The following NKAIN2 variants were observed in gnomAD, a reference collection of about 807,000 sequenced individuals.
NKAIN2 encodes sodium/potassium transporting ATPase interacting 2.
NKAIN2 carries 14 observed loss-of-function variants against 32.6 expected under a neutral mutation model. The ratio of observed to expected loss-of-function variants is 0.43; its 90% CI spans 0.28 to 0.67. The LOEUF is 0.67. Ranked by LOEUF, NKAIN2 falls within the 30% of genes least tolerant of loss-of-function variation. The probability of loss-of-function intolerance (pLI) is 0.17; values close to 1 mark genes in which losing one functional copy is unlikely to be tolerated. For synonymous variants in NKAIN2, 80 were observed against 87.2 expected, an observed-to-expected ratio of 0.92 and a Z score of 0.46; for missense variants, 198 against 258.3, an observed-to-expected ratio of 0.77 and a Z score of 1.60.
rs541180075 is a variant in NKAIN2 at position 123,862,753 on chromosome 6, C to T, written c.54+58499C>T. ...CTGTCTCCATGTTGGCACCCACAAACGCACACAGCATTGTTTTACACTGGA... is the reference window on the plus strand; with the variant it reads ...CTGTCTCCATGTTGGCACCCACAAATGCACACAGCATTGTTTTACACTGGA... On this transcript the variant is annotated intron_variant, in intron 1 of 6. Transcript: ENST00000368417. 1.3e-4 allele frequency among the ~76,000 whole-genome samples: 20 copies of T among 152,296 alleles called. 1 individual carries two copies. The highest frequency in any genetic ancestry group is 4.1e-4 in the South Asian group (2 of 4,822).
chr6:124,357,945 G>A (rs958031341), intron 3 of NKAIN2, among the ~76,000 whole-genome samples: 4 of 151,988 alleles, frequency 2.6e-5, no homozygotes, highest in African/African-American at 9.7e-5. Context: ...GCCACAACAG[G>A]CCCCTGTGTG....
At chr6:124,581,643 A>G (rs1166997259) in intron 3 of NKAIN2, among the ~76,000 whole-genome samples, 4 of 152,162 alleles carry the variant, frequency 2.6e-5, no homozygotes, top group Non-Finnish European at 5.9e-5. Flanking sequence ...AAAAATATCA[A>G]ATTATATCAG....
rs533827085 is a variant in NKAIN2 at position 124,044,490 on chromosome 6, G to A, written c.55-238515G>A. Among the ~76,000 whole-genome samples, 236 of 152,124 alleles carry A rather than the reference G, an allele frequency of 1.6e-3. 3 individuals are homozygous for A. The highest frequency in any genetic ancestry group is 5.4e-3 in the South Asian group (26 of 4,822). ...CAGTAACTACTACTACTGAGATATGGACATTTCTTTGCATATAGAACTGTG... is the reference window on the plus strand; with the variant it reads ...CAGTAACTACTACTACTGAGATATGAACATTTCTTTGCATATAGAACTGTG... On this transcript the variant is annotated intron_variant, in intron 1 of 6. Transcript: ENST00000368417.
chr6:123,980,699 A>C (rs1179387197), intron 1 of NKAIN2, among the ~76,000 whole-genome samples: 1 of 140,926 alleles, frequency 7.1e-6, no homozygotes, highest in Admixed American at 7.1e-5. Context: ...AGGCTTTTGA[A>C]TGTTCAAGTC....
chr6:123,996,875 G>A (rs1316079678), intron 1 of NKAIN2, among the ~76,000 whole-genome samples: 1 of 152,166 alleles, frequency 6.6e-6, no homozygotes, highest in South Asian at 2.1e-4. Flanking sequence ...TAATTTTACC[G>A]TGCTAAAATG....
chr6:124,611,701 G>C (rs1041879710), intron 3 of NKAIN2, among the ~76,000 whole-genome samples: 4 of 152,220 alleles, frequency 2.6e-5, no homozygotes, highest in East Asian at 3.9e-4. Flanking sequence ...TAAAATAGTT[G>C]TTACTGTGTG....
chr6:124,816,350 T>C (rs975242699), intron 5 of NKAIN2, among the ~76,000 whole-genome samples: 2 of 152,110 alleles, frequency 1.3e-5, no homozygotes, highest in African/African-American at 4.8e-5. Flanking sequence ...ACTCTAATGG[T>C]AGATACATGT....
At chr6:124,488,982 G>T (rs1199311365) in intron 3 of NKAIN2, among the ~76,000 whole-genome samples, 1 of 151,822 alleles carries the variant, frequency 6.6e-6, no homozygotes, top group African/African-American at 2.4e-5. Flanking sequence ...TAACACATCT[G>T]ATATAGTTTA....
At chr6:124,701,445 A>T (rs1774787504) in intron 4 of NKAIN2, among the ~76,000 whole-genome samples, 2 of 152,024 alleles carry the variant, frequency 1.3e-5, no homozygotes, top group African/African-American at 4.8e-5. Context: ...TATTTTTGCG[A>T]TTTGTTCTCT....
chr6:124,583,188 TATGGTATG>T (rs1781584036), intron 3 of NKAIN2, among the ~76,000 whole-genome samples: 1 of 148,292 alleles, frequency 6.7e-6, no homozygotes, highest in South Asian at 2.1e-4. Context: ...TTTGTTTGCA[TATGGTATG>T]ATCTTATAAT....
intron 4 of NKAIN2, among the ~76,000 whole-genome samples, chr6:124,748,779 T>C (rs975476831): frequency 5.3e-5 from 8 of 151,924 alleles, no homozygotes. Flanking sequence ...TGTGAAAATA[T>C]TGATTAAATC....
chr6:124,161,012 A>G (rs1788249709), intron 1 of NKAIN2, among the ~76,000 whole-genome samples: 1 of 152,192 alleles, frequency 6.6e-6, no homozygotes. Context: ...GTTTTAACTT[A>G]CACTAAATGT....
intron 1 of NKAIN2, among the ~76,000 whole-genome samples, chr6:124,058,203 T>C (rs970300723): frequency 1.4e-4 from 3 of 20,744 alleles, no homozygotes; most frequent in African/African-American, 5.5e-4. Context: ...ATTTAAGTTT[T>C]GTTTTTTTTT....
At chr6:123,856,310 G>A (rs186612775) in intron 1 of NKAIN2, among the ~76,000 whole-genome samples, 10 of 152,126 alleles carry the variant, frequency 6.6e-5, no homozygotes, top group African/African-American at 1.7e-4. Flanking sequence ...AAACTGTCTC[G>A]GAATATAGAA....
At chr6:124,035,256 T>C (rs537758847) in intron 1 of NKAIN2, among the ~76,000 whole-genome samples, 2 of 152,094 alleles carry the variant, frequency 1.3e-5, no homozygotes, top group Non-Finnish European at 2.9e-5. Context: ...AATAGTTGAA[T>C]GCTTAAATTG....
intron 3 of NKAIN2, among the ~76,000 whole-genome samples, chr6:124,359,312 G>A (rs1307282035): frequency 6.6e-6 from 1 of 152,172 alleles, no homozygotes; most frequent in Non-Finnish European, 1.5e-5. Flanking sequence ...TGTGAAGAAA[G>A]TCATTGGTAG....
At chr6:124,077,762 A>AT (rs201590702) in intron 1 of NKAIN2, among the ~76,000 whole-genome samples, 11,038 of 147,890 alleles carry the variant, frequency 0.075, 449 homozygotes, top group Middle Eastern at 0.15. Flanking sequence ...ACACCCAGCT[A>AT]TTTTTTTTTT....
intron 2 of NKAIN2, among the ~76,000 whole-genome samples, chr6:124,290,865 T>A (rs1281844396): frequency 2.0e-5 from 3 of 152,226 alleles, no homozygotes; most frequent in East Asian, 3.9e-4. Context: ...TATCTGTAGC[T>A]TTTTGTTTTT....
chr6:124,260,598 G>A (rs1269260327), intron 1 of NKAIN2, among the ~76,000 whole-genome samples: 7 of 152,112 alleles, frequency 4.6e-5, no homozygotes, highest in Non-Finnish European at 1.0e-4. Context: ...GAGAGAAGGG[G>A]GTGGTGAGAC....
Sources: gnomAD v4.1 joint callset for allele counts (sites outside exome capture counted in the v4.1 genomes callset) on GRCh38, gnomAD v4.1.1 for gene constraint, MANE v1.5 for transcripts, NCBI Gene and HGNC (gene_info 2026-07-23, HGNC 2026-07-21) for gene names.